The following KMT2C variants were observed in gnomAD, a reference collection of about 807,000 sequenced individuals.
KMT2C encodes the protein lysine methyltransferase 2C.
In KMT2C, 88 loss-of-function variants were observed where a neutral mutation model predicts 507.9. The ratio of observed to expected loss-of-function variants is 0.17; its 90% CI spans 0.15 to 0.21. The LOEUF (loss-of-function observed/expected upper bound fraction) is 0.21, where lower values mean the gene tolerates loss of function less well. Among genes scored for constraint, KMT2C ranks in the 10% least tolerant of loss-of-function variants. The pLI is 1.00. For missense variants in KMT2C, 4,954 were observed against 5,957.8 expected (o/e 0.83, Z 5.55); for synonymous variants, 2,049 against 2,080.8 (o/e 0.98, Z 0.42).
At chr7:152,350,247 T>C (rs1282172401) in intron 2 of KMT2C, among the ~76,000 whole-genome samples, 1 of 152,056 alleles carries the variant, frequency 6.6e-6, no homozygotes, top group African/African-American at 2.4e-5. Context: ...TGAAACTCTG[T>C]CTCAAAAAAA....
chr7:152,209,172 A>T (rs1387475555), intron 23 of KMT2C, among the ~76,000 whole-genome samples: 2 of 150,786 alleles, frequency 1.3e-5, no homozygotes, highest in Admixed American at 1.3e-4. Context: ...AAAAAAAAAA[A>T]AAGGCCAGGC....
chr7:152,383,603 G>A (rs2097394189), intron 1 of KMT2C, among the ~76,000 whole-genome samples: 1 of 152,288 alleles, frequency 6.6e-6, no homozygotes, highest in South Asian at 2.1e-4. Flanking sequence ...TAGATAAGAA[G>A]GGGGTCATAA....
chr7:152,147,707 CAAAAAAAA>C (rs762588729), intron 52 of KMT2C, among the ~76,000 whole-genome samples: 7 of 46,724 alleles, frequency 1.5e-4, no homozygotes, highest in African/African-American at 3.2e-4. Flanking sequence ...AACTCCGTCT[CAAAAAAAA>C]AAAAAAAAAA....
intron 1 of KMT2C, among the ~76,000 whole-genome samples, chr7:152,384,634 AG>A (rs2097407080): frequency 6.7e-6 from 1 of 148,210 alleles, no homozygotes; most frequent in Non-Finnish European, 1.5e-5. Flanking sequence ...ATCCACCACT[AG>A]CCGATGACTC....
intron 20 of KMT2C, 36 bp from the exon 21 acceptor site, chr7:152,222,718 A>G (rs766850563): frequency 1.6e-6 from 2 of 1,227,784 alleles, no homozygotes; most frequent in Non-Finnish European, 2.4e-6. Flanking sequence ...TTTTTAAAAA[A>G]TGGAATATAC....
chr7:152,266,810 C>A (rs2095865565), intron 7 of KMT2C, among the ~76,000 whole-genome samples: 1 of 152,304 alleles, frequency 6.6e-6, no homozygotes, highest in African/African-American at 2.4e-5. Flanking sequence ...GAGGGCAGTA[C>A]AAAAACAGGC....
At chr7:152,244,209 T>C (rs2095432600) in intron 14 of KMT2C, among the ~76,000 whole-genome samples, 1 of 152,256 alleles carries the variant, frequency 6.6e-6, no homozygotes, top group Non-Finnish European at 1.5e-5. Flanking sequence ...TTTCTCTAGT[T>C]CAGAACTCCG....
intron 23 of KMT2C, among the ~76,000 whole-genome samples, chr7:152,209,320 G>A (rs2129139709): frequency 6.6e-6 from 1 of 151,918 alleles, no homozygotes; most frequent in African/African-American, 2.4e-5. Flanking sequence ...AGCCAGGTGA[G>A]GTGGCTGGTG....
At chr7:152,219,949 G>A (rs1306975830) in intron 23 of KMT2C, 4 of 152,672 alleles carry the variant, frequency 2.6e-5, no homozygotes, top group African/African-American at 9.7e-5. Flanking sequence ...GTTGTAGTAA[G>A]CCAAGATCGT....
In KMT2C at chr7:152,139,158, CTCCCCGTCAGG is replaced by C. The variant is rs754846555; in HGVS notation, c.14534+17_14534+27del. The C allele has an allele frequency of 6.2e-6, 10 of 1,610,298 alleles. No homozygotes were observed. Among genetic ancestry groups the C allele is most frequent in the Non-Finnish European group, 8.5e-6 (10 of 1,176,742 alleles). On this transcript the variant is annotated intron_variant, in intron 57 of 58. Transcript: ENST00000262189. ...AGCACTGGCCCCACAAGCAAAAGCA[CTCCCCGTCAGG>C]TTCCTCGCTGTCTCACCTTGCGGGC...
intron 3 of KMT2C, among the ~76,000 whole-genome samples, chr7:152,322,382 G>A (rs995063606): frequency 2.6e-5 from 4 of 151,738 alleles, no homozygotes; most frequent in African/African-American, 4.8e-5. Context: ...AAGACACATC[G>A]ACCAATGGAA....
At chr7:152,342,477 C>T (rs983615132) in intron 2 of KMT2C, among the ~76,000 whole-genome samples, 2 of 152,110 alleles carry the variant, frequency 1.3e-5, no homozygotes, top group Non-Finnish European at 2.9e-5. Context: ...AAAAGCTAAA[C>T]TGAAAAATCA....
chr7:152,229,779 A>T, intron 18 of KMT2C, 144 bp downstream of exon 18: 1 of 364,492 alleles, frequency 2.7e-6, no homozygotes. Context: ...GGAAACCCTT[A>T]AAAGCAGTAT....
chr7:152,291,999 A>G (rs990087231), intron 6 of KMT2C, among the ~76,000 whole-genome samples: 2 of 152,152 alleles, frequency 1.3e-5, no homozygotes, highest in African/African-American at 4.8e-5. Context: ...TGTTTTTGAG[A>G]AGAAATTCTG....
At chr7:152,213,750 T>TA (rs922863914) in intron 23 of KMT2C, among the ~76,000 whole-genome samples, 2,179 of 76,246 alleles carry the variant, frequency 0.029, 38 homozygotes, top group African/African-American at 0.073. Flanking sequence ...TGCATAGCAA[T>TA]AAAAAAAAAA....
chr7:152,163,846 C>G lies in KMT2C; in HGVS notation c.9751-20G>C. The G allele has an allele frequency of 1.2e-6, 2 of 1,602,596 alleles. No homozygotes were observed. Among genetic ancestry groups the G allele is most frequent in the South Asian group, 2.2e-5 (2 of 90,794 alleles). On this transcript the variant is annotated intron_variant, in intron 42 of 58. Coordinates refer to ENST00000262189, the MANE Select transcript of KMT2C (RefSeq NM_170606.3). ...ACGAATCTGGAATAACAAAATGCAT[C>G]ATTACTCATTTCTATACAGCATAGG...
At chr7:152,143,614 G>C (rs1446992751) in intron 55 of KMT2C, among the ~76,000 whole-genome samples, 1 of 152,210 alleles carries the variant, frequency 6.6e-6, no homozygotes, top group Non-Finnish European at 1.5e-5. Flanking sequence ...CAGAGGGGCA[G>C]AACTTGCAAA....
At chr7:152,145,440 A>G (rs2091006745) in intron 53 of KMT2C, 145 bp from the exon 54 acceptor site, 1 of 779,014 alleles carries the variant, frequency 1.3e-6, no homozygotes, top group Non-Finnish European at 2.0e-6. Context: ...TTATGTTAAC[A>G]CTATTGGCCT....
rs2089863065 is a variant in KMT2C at position 152,136,261 on chromosome 7, T to C, written c.*571A>G. ...GTATTTAAATGTATTTAGTGCAAGT[T>C]ATTATCCCTTAGCTCTATCCCTAAG... On this transcript the variant is annotated 3_prime_UTR_variant, in exon 59 of 59. Transcript: ENST00000262189. The C allele has an allele frequency of 4.7e-6, 1 of 214,654 alleles. No individual in the cohort carries two copies. The highest frequency in any genetic ancestry group is 2.3e-5 in the African/African-American group (1 of 44,352). The allele number at this position is 214,654 out of a possible 1,614,324, so 13.3% of individuals were successfully genotyped here.
Sources: allele counts gnomAD v4.1 joint callset (sites outside exome capture counted in the v4.1 genomes callset), GRCh38; gene constraint gnomAD v4.1.1; transcripts MANE v1.5; gene names NCBI Gene and HGNC (gene_info 2026-07-23, HGNC 2026-07-21).